The following DLG2 variants were observed in gnomAD, a reference collection of about 807,000 sequenced individuals.
DLG2 encodes discs large MAGUK scaffold protein 2.
DLG2 carries 45 observed loss-of-function variants against 132.5 expected under a neutral mutation model. The observed-to-expected ratio is 0.34, with a 90% CI of 0.27 to 0.44. The LOEUF (loss-of-function observed/expected upper bound fraction) is 0.44, where lower values mean the gene tolerates loss of function less well. Ranked by LOEUF, DLG2 falls within the 20% of genes least tolerant of loss-of-function variation. The pLI is 1.00. For missense variants in DLG2, 1,045 were observed against 1,196.9 expected, an observed-to-expected ratio of 0.87 and a Z score of 1.87; for synonymous variants, 424 against 419.6, an observed-to-expected ratio of 1.01 and a Z score of -0.13.
At chr11:84,810,780 T>C (rs995297143) in intron 6 of DLG2, among the ~76,000 whole-genome samples, 2 of 152,160 alleles carry the variant, frequency 1.3e-5, no homozygotes, top group Non-Finnish European at 2.9e-5. Flanking sequence ...AGACTACTGA[T>C]ACACATATCT....
chr11:85,497,448 T>A (rs947586665), intron 3 of DLG2, among the ~76,000 whole-genome samples: 6 of 151,564 alleles, frequency 4.0e-5, no homozygotes, highest in Non-Finnish European at 1.5e-5. Context: ...AAATCTACAG[T>A]TGACTGGTGT....
At chr11:84,032,849 A>T (rs905208906) in intron 11 of DLG2, among the ~76,000 whole-genome samples, 1 of 152,120 alleles carries the variant, frequency 6.6e-6, no homozygotes, top group Non-Finnish European at 1.5e-5. Context: ...CAAATCCTGG[A>T]GCCCTTAAGA....
chr11:83,548,922 C>T (rs1196200711), intron 19 of DLG2, among the ~76,000 whole-genome samples: 2 of 152,104 alleles, frequency 1.3e-5, no homozygotes, highest in African/African-American at 4.8e-5. Flanking sequence ...GAAACAACAT[C>T]AGGAGCTCCC....
At chr11:84,540,935 A>G (rs963236729) in intron 6 of DLG2, among the ~76,000 whole-genome samples, 97 of 152,216 alleles carry the variant, frequency 6.4e-4, no homozygotes, top group African/African-American at 2.2e-3. Flanking sequence ...GCAAACTATC[A>G]CAAGGACAGA....
At chr11:84,025,391 A>G (rs1034545376) in intron 11 of DLG2, among the ~76,000 whole-genome samples, 3 of 152,056 alleles carry the variant, frequency 2.0e-5, no homozygotes, top group Admixed American at 1.3e-4. Flanking sequence ...CCATGTTTCA[A>G]TTACCTCCCA....
rs577084076 is a variant in DLG2 at position 84,651,767 on chromosome 11, G to C, written c.358-117036C>G. The stretch of plus-strand genomic sequence containing the variant: ...TGGGAAAATGTAACCTTGGAGACTG[G>C]ACTAGAGACATCTATAACTTTGCTT... On this transcript the variant is annotated intron_variant, in intron 6 of 27. Transcript: ENST00000376104. 2.6e-5 allele frequency among the ~76,000 whole-genome samples: 4 copies of C among 152,306 alleles called. No individual in the cohort carries two copies. The South Asian group carries it at 8.3e-4, about 32-fold the overall frequency.
rs1222486667 is a variant in DLG2, at chr11:84,307,695, C to CAAAAAAA, written c.520-56411_520-56405dup. On this transcript the variant is annotated intron_variant, in intron 7 of 27. Transcript: ENST00000376104. ...TGGGTGAAAGAGCGAGACGCAGTCTCAAAAAAAAAAAAAAAAAAAAAGAAG... is the reference window on the plus strand; with the variant it reads ...TGGGTGAAAGAGCGAGACGCAGTCTCAAAAAAAAAAAAAAAAAAAAAAAAAAAAGAAG... 8.0e-3 allele frequency among the ~76,000 whole-genome samples: 620 copies of CAAAAAAA among 77,892 alleles called. 21 individuals carry two copies. The highest frequency in any genetic ancestry group is 0.025 in the African/African-American group (457 of 18,444). 51.1% of individuals were successfully genotyped at this position (77,892 alleles called of 152,430 possible).
At chr11:83,675,368 A>G (rs954880769) in intron 18 of DLG2, among the ~76,000 whole-genome samples, 1 of 152,260 alleles carries the variant, frequency 6.6e-6, no homozygotes, top group Non-Finnish European at 1.5e-5. Context: ...ACAAAAATAT[A>G]TTCTTATTTG....
At chr11:85,072,138 C>T (rs867737495) in intron 6 of DLG2, among the ~76,000 whole-genome samples, 2 of 151,848 alleles carry the variant, frequency 1.3e-5, no homozygotes, top group African/African-American at 4.8e-5. Context: ...GTACCTGCTA[C>T]AGAAACAAGA....
chr11:85,026,998 T>C (rs1332388764), intron 6 of DLG2, among the ~76,000 whole-genome samples: 2 of 151,956 alleles, frequency 1.3e-5, no homozygotes, highest in Non-Finnish European at 2.9e-5. Context: ...CAAAGGATTA[T>C]AAATAATACA....
intron 3 of DLG2, among the ~76,000 whole-genome samples, chr11:85,480,832 A>G (rs2093270864): frequency 6.6e-6 from 1 of 152,208 alleles, no homozygotes. Flanking sequence ...AAAAAACTAA[A>G]TGTCATGTTT....
In DLG2 at chr11:85,315,783, C is replaced by T. The variant is rs570782209; in HGVS notation, c.41-30418G>A. The stretch of plus-strand genomic sequence containing the variant: ...TCAGTCCACACAGGAGTGAGGCCAC[C>T]TTGTTTCTTATTTCCTCCCAGGAGG... On this transcript the variant is annotated intron_variant, in intron 3 of 27. Transcript: ENST00000376104. Among the ~76,000 whole-genome samples, 3 of 152,074 alleles carry T rather than the reference C, an allele frequency of 2.0e-5. No homozygotes were observed. In the South Asian group the frequency reaches 6.2e-4, roughly 32 times the overall value.
At chr11:85,531,027 T>A (rs1187856440) in intron 3 of DLG2, among the ~76,000 whole-genome samples, 1 of 152,214 alleles carries the variant, frequency 6.6e-6, no homozygotes, top group Non-Finnish European at 1.5e-5. Context: ...ATTTTAAAAT[T>A]AGACTGGGAT....
At position 83,787,901 on chromosome 11, in the gene DLG2, A is replaced by G. The variant is rs541479917; in HGVS notation, c.1723-1109T>C. The stretch of plus-strand genomic sequence containing the variant: ...TAATGTAATTAATAAGTGCTCTCCA[A>G]TGACAGAGTTCTCTGTCTGCCCCAG... On this transcript the variant is annotated intron_variant, in intron 17 of 27. Transcript: ENST00000376104. 1.2e-4 allele frequency among the ~76,000 whole-genome samples: 18 copies of G among 152,332 alleles called. No individual in the cohort carries two copies. The South Asian group carries it at 3.5e-3, about 30-fold the overall frequency.
chr11:83,795,439 CTA>C (rs148213372), intron 17 of DLG2, among the ~76,000 whole-genome samples: 46 of 79,456 alleles, frequency 5.8e-4, no homozygotes, highest in African/African-American at 1.3e-3. Context: ...ATATCTATAT[CTA>C]TATATCTATA....
At chr11:84,805,020 C>T (rs1247707306) in intron 6 of DLG2, among the ~76,000 whole-genome samples, 2 of 152,118 alleles carry the variant, frequency 1.3e-5, no homozygotes, top group Admixed American at 1.3e-4. Context: ...TCAGAAGAGG[C>T]CTTCTGGAGA....
At chr11:85,392,908 T>G (rs1024765481) in intron 3 of DLG2, among the ~76,000 whole-genome samples, 1 of 152,110 alleles carries the variant, frequency 6.6e-6, no homozygotes, top group Non-Finnish European at 1.5e-5. Context: ...TTCTAGACAT[T>G]GACTTAGGCA....
chr11:85,444,310 T>A (rs777929702), intron 3 of DLG2, among the ~76,000 whole-genome samples: 3 of 152,186 alleles, frequency 2.0e-5, no homozygotes, highest in Non-Finnish European at 1.5e-5. Context: ...TGGTAGGAGT[T>A]ATCCTTGACC....
chr11:83,682,297 C>G (rs2078966984), intron 18 of DLG2: 2 of 985,290 alleles, frequency 2.0e-6, no homozygotes, highest in Non-Finnish European at 2.4e-6. Flanking sequence ...ACAGAACTCA[C>G]TAGCGGAACC....
Sources: gnomAD v4.1 joint callset for allele counts (sites outside exome capture counted in the v4.1 genomes callset) on GRCh38, gnomAD v4.1.1 for gene constraint, MANE v1.5 for transcripts, NCBI Gene and HGNC (gene_info 2026-07-23, HGNC 2026-07-21) for gene names.